TM9SF4: variants seen among roughly 807,000 people sequenced by gnomAD.
TM9SF4 encodes the protein transmembrane 9 superfamily member 4.
In TM9SF4, 26 loss-of-function variants were observed where a neutral mutation model predicts 90.4. The ratio of observed to expected loss-of-function variants is 0.29; its 90% CI spans 0.21 to 0.40. The LOEUF (loss-of-function observed/expected upper bound fraction) is 0.40, where lower values mean the gene tolerates loss of function less well. Ranked by LOEUF, TM9SF4 falls within the 10% of genes least tolerant of loss-of-function variation. TM9SF4 has a pLI of 1.00. For missense variants in TM9SF4, 549 were observed against 834.8 expected, an observed-to-expected ratio of 0.66 and a Z score of 4.22; for synonymous variants, 293 against 315.4, an observed-to-expected ratio of 0.93 and a Z score of 0.75.
chr20:32,141,463 A>G (rs1343351654), intron 3 of TM9SF4, 34 bp from the exon 4 acceptor site: 2 of 1,609,588 alleles, frequency 1.2e-6, no homozygotes, highest in African/African-American at 2.7e-5. Flanking sequence ...CTCAGGGCTG[A>G]AGCTCTGAGC....
chr20:32,123,861 TATA>T (rs1427223200), intron 1 of TM9SF4, among the ~76,000 whole-genome samples: 8 of 82,566 alleles, frequency 9.7e-5, no homozygotes, highest in African/African-American at 4.8e-4. Flanking sequence ...TATATATATA[TATA>T]TATTTTTTTT....
intron 9 of TM9SF4, 117 bp downstream of exon 9, chr20:32,146,972 G>T: frequency 6.1e-5 from 49 of 804,792 alleles, no homozygotes; most frequent in Non-Finnish European, 8.2e-5. Context: ...TACTAAAACA[G>T]TTTAGTATAC....
chr20:32,151,598 A>C (rs991168009), intron 12 of TM9SF4, among the ~76,000 whole-genome samples: 12 of 152,206 alleles, frequency 7.9e-5, no homozygotes, highest in Non-Finnish European at 1.5e-4. Context: ...GGCACAAAGT[A>C]AGCCCTCGGT....
intron 8 of TM9SF4, 146 bp downstream of exon 8, chr20:32,145,569 T>G: frequency 1.5e-6 from 1 of 674,218 alleles, no homozygotes; most frequent in Non-Finnish European, 2.6e-6. Flanking sequence ...AAGCATCAGG[T>G]GTACATAGGT....
intron 14 of TM9SF4, 62 bp from the exon 15 acceptor site, chr20:32,158,389 A>C: frequency 3.9e-5 from 60 of 1,533,064 alleles, no homozygotes; most frequent in Non-Finnish European, 5.0e-5. Context: ...CAGCTTGGGA[A>C]GGAGCTTGGG....
intron 3 of TM9SF4, 123 bp downstream of exon 3, chr20:32,136,296 T>G: frequency 1.1e-6 from 1 of 900,324 alleles, no homozygotes; most frequent in Non-Finnish European, 1.7e-6. Context: ...TTTGCATACC[T>G]GTTAGCTTAT....
intron 3 of TM9SF4, among the ~76,000 whole-genome samples, chr20:32,140,004 C>T (rs915700369): frequency 6.6e-6 from 1 of 152,236 alleles, no homozygotes; most frequent in Admixed American, 6.5e-5. Flanking sequence ...GTCTATCTTC[C>T]TGCTAGGCCA....
At chr20:32,158,170 G>A (rs565577761) in intron 14 of TM9SF4, among the ~76,000 whole-genome samples, 1 of 152,176 alleles carries the variant, frequency 6.6e-6, no homozygotes, top group African/African-American at 2.4e-5. Flanking sequence ...GGACAAGGAA[G>A]GGGAAGGATG....
rs529986845 is a variant in TM9SF4 at position 32,123,648 on chromosome 20, A to G, written c.16-9365A>G. 4.7e-5 allele frequency among the ~76,000 whole-genome samples: 7 copies of G among 150,296 alleles called. No homozygotes were observed. The South Asian group carries it at 1.5e-3, about 31-fold the overall frequency. On this transcript the variant is annotated intron_variant, in intron 1 of 17. Transcript: ENST00000398022. Reference sequence around the variant, plus strand: ...GTGTATTTTTTCATTTTTTTCCCTTATACATTTATATATACATTTTCTTTA... The same window carrying G: ...GTGTATTTTTTCATTTTTTTCCCTTGTACATTTATATATACATTTTCTTTA...
chr20:32,142,009 G>A, intron 5 of TM9SF4, 114 bp downstream of exon 5: 1 of 1,524,938 alleles, frequency 6.6e-7, no homozygotes. Context: ...CAGGTGCCCT[G>A]GGCATGATGG....
intron 13 of TM9SF4, among the ~76,000 whole-genome samples, chr20:32,156,597 ATTG>A (rs1569104264): frequency 6.6e-6 from 1 of 152,094 alleles, no homozygotes; most frequent in Non-Finnish European, 1.5e-5. Context: ...TTTAATTTGT[ATTG>A]TTGTATTTTT....
At chr20:32,137,101 T>G in intron 3 of TM9SF4, 1 of 452,886 alleles carries the variant, frequency 2.2e-6, no homozygotes, top group Admixed American at 2.4e-5. Flanking sequence ...AAGTCTTGCC[T>G]TGTAGCGTTG....
intron 13 of TM9SF4, 27 bp from the exon 14 acceptor site, chr20:32,157,766 TG>T (rs763582440): frequency 1.2e-6 from 2 of 1,612,182 alleles, no homozygotes; most frequent in South Asian, 1.1e-5. Context: ...CAGGGCCTCG[TG>T]GGGGCCTCAT....
chr20:32,143,125 C>G lies in TM9SF4; in HGVS notation c.652+20C>G. On this transcript the variant is annotated intron_variant, in intron 6 of 17. Transcript: ENST00000398022. ...TGGAGGGTGAGTGGGGAGGTGTGGC[C>G]GGAGGGGCAGGGCTGGATGGGCCTG... 1.2e-6 allele frequency: 2 copies of G among 1,611,022 alleles called. No homozygotes were observed. Among genetic ancestry groups the G allele is most frequent in the Non-Finnish European group, 1.7e-6 (2 of 1,178,294 alleles).
At chr20:32,115,280 A>G (rs1425448481) in intron 1 of TM9SF4, among the ~76,000 whole-genome samples, 1 of 152,208 alleles carries the variant, frequency 6.6e-6, no homozygotes, top group Admixed American at 6.5e-5. Flanking sequence ...CTGTTTTACA[A>G]CTTGGACAAA....
chr20:32,138,797 TTCTC>T (rs1417758954), intron 3 of TM9SF4, among the ~76,000 whole-genome samples: 1 of 152,238 alleles, frequency 6.6e-6, no homozygotes, highest in Non-Finnish European at 1.5e-5. Context: ...CTGTAGCTCT[TTCTC>T]TCCTCAAGCA....
chr20:32,132,974 T>G, intron 1 of TM9SF4, 39 bp from the exon 2 acceptor site: 1 of 1,585,822 alleles, frequency 6.3e-7, no homozygotes, highest in Non-Finnish European at 8.6e-7. Context: ...CTTCTTCACT[T>G]CTTCTCCCCA....
chr20:32,137,013 G>A (rs1445044937), intron 3 of TM9SF4: 2 of 466,332 alleles, frequency 4.3e-6, no homozygotes, highest in Admixed American at 4.7e-5. Context: ...GGGGGTCCTG[G>A]ACCAGTTGGA....
At chr20:32,140,560 G>T (rs569753284) in intron 3 of TM9SF4, among the ~76,000 whole-genome samples, 1 of 152,208 alleles carries the variant, frequency 6.6e-6, no homozygotes, top group Non-Finnish European at 1.5e-5. Context: ...ATAAAAGAGC[G>T]TTTGATGCCT....
Sources: gnomAD v4.1 joint callset for allele counts (sites outside exome capture counted in the v4.1 genomes callset) on GRCh38, gnomAD v4.1.1 for gene constraint, MANE v1.5 for transcripts, NCBI Gene and HGNC (gene_info 2026-07-23, HGNC 2026-07-21) for gene names.